The following DLEU7 variants were observed in gnomAD, a reference collection of about 807,000 sequenced individuals.
DLEU7 encodes leukemia-associated protein 7.
Under a neutral mutation model 16.0 loss-of-function variants are expected in DLEU7, and 17 were observed. The ratio of observed to expected loss-of-function variants is 1.06; its 90% CI spans 0.73 to 1.59. DLEU7 has a LOEUF of 1.59. Among genes scored for constraint, DLEU7 ranks in the 40% most tolerant of loss-of-function variants. The pLI, the probability that DLEU7 is intolerant of heterozygous loss-of-function variation, is 0.00. For missense variants in DLEU7, 308 were observed against 314.9 expected (o/e 0.98, Z 0.17); for synonymous variants, 113 against 139.8 (o/e 0.81, Z 1.35).
chr13:50,810,287 G>C (rs1407875038), intron 1 of DLEU7, among the ~76,000 whole-genome samples: 1 of 151,794 alleles, frequency 6.6e-6, no homozygotes, highest in East Asian at 1.9e-4. Context: ...TTGGGATTTG[G>C]CCCAGCCTTA....
intron 1 of DLEU7, among the ~76,000 whole-genome samples, chr13:50,791,675 A>G (rs1206455300): frequency 1.3e-5 from 2 of 152,186 alleles, no homozygotes; most frequent in African/African-American, 4.8e-5. Context: ...CTTTAAGGAA[A>G]AATCCTCCCA....
chr13:50,773,495 T>C (rs1196721071), intron 1 of DLEU7, among the ~76,000 whole-genome samples: 1 of 152,222 alleles, frequency 6.6e-6, no homozygotes, highest in East Asian at 1.9e-4. Flanking sequence ...TATTCCTTTC[T>C]GTATGTTAGT....
At chr13:50,721,451 C>T (rs778830862) in intron 1 of DLEU7, among the ~76,000 whole-genome samples, 1 of 151,606 alleles carries the variant, frequency 6.6e-6, no homozygotes, top group Non-Finnish European at 1.5e-5. Flanking sequence ...CTCTAGAGAA[C>T]CCTGACTAAT....
At chr13:50,715,164 T>C (rs1873404984) in intron 1 of DLEU7, among the ~76,000 whole-genome samples, 1 of 152,008 alleles carries the variant, frequency 6.6e-6, no homozygotes, top group African/African-American at 2.4e-5. Context: ...CCAGCGAGAG[T>C]GTGAGTGTGT....
chr13:50,834,444 C>T (rs1016292418), intron 1 of DLEU7, among the ~76,000 whole-genome samples: 3 of 150,856 alleles, frequency 2.0e-5, no homozygotes, highest in Admixed American at 2.0e-4. Flanking sequence ...AAAAAAAAAA[C>T]TCATCATCAC....
intron 1 of DLEU7, among the ~76,000 whole-genome samples, chr13:50,746,702 T>C (rs957718606): frequency 6.6e-6 from 1 of 152,170 alleles, no homozygotes; most frequent in Non-Finnish European, 1.5e-5. Flanking sequence ...CCCCTTATAA[T>C]ACACTTTTCT....
chr13:50,739,457 A>C (rs908261880), intron 1 of DLEU7, among the ~76,000 whole-genome samples: 1 of 152,184 alleles, frequency 6.6e-6, no homozygotes, highest in Non-Finnish European at 1.5e-5. Flanking sequence ...TCAGTTATGA[A>C]TGGAGATGAA....
chr13:50,728,963 C>G (rs376812284), intron 1 of DLEU7, among the ~76,000 whole-genome samples: 127 of 152,222 alleles, frequency 8.3e-4, no homozygotes, highest in African/African-American at 2.9e-3. Context: ...ACACCCACAC[C>G]TGCACAGTTG....
chr13:50,723,876 T>A (rs1873691806), intron 1 of DLEU7, among the ~76,000 whole-genome samples: 1 of 151,876 alleles, frequency 6.6e-6, no homozygotes, highest in South Asian at 2.1e-4. Context: ...TATATATATA[T>A]AATTTATATT....
downstream of DLEU7, chr13:50,711,545 A>G (rs1326299504): frequency 1.3e-5 from 2 of 152,230 alleles, no homozygotes; most frequent in African/African-American, 4.8e-5. Flanking sequence ...AGCCATTCTC[A>G]GATGCTGAAA....
At chr13:50,784,351 A>T (rs540790832) in intron 1 of DLEU7, among the ~76,000 whole-genome samples, 1 of 152,330 alleles carries the variant, frequency 6.6e-6, no homozygotes, top group South Asian at 2.1e-4. Context: ...TGGGCATCTC[A>T]TGTGGAAATC....
intron 1 of DLEU7, among the ~76,000 whole-genome samples, chr13:50,755,183 T>C (rs528311333): frequency 6.6e-6 from 1 of 152,344 alleles, no homozygotes; most frequent in South Asian, 2.1e-4. Context: ...ATGATCTTTT[T>C]GTGATGAATT....
intron 1 of DLEU7, among the ~76,000 whole-genome samples, chr13:50,807,311 T>C (rs1566257530): frequency 6.6e-6 from 1 of 152,002 alleles, no homozygotes; most frequent in Non-Finnish European, 1.5e-5. Context: ...CTTTATTCTC[T>C]TTCTTGAATT....
chr13:50,792,079 T>C (rs1566252774), intron 1 of DLEU7, among the ~76,000 whole-genome samples: 1 of 152,212 alleles, frequency 6.6e-6, no homozygotes. Context: ...TTAAGGACTT[T>C]TCAAGTTTTC....
intron 1 of DLEU7, among the ~76,000 whole-genome samples, chr13:50,757,191 A>G (rs1874788827): frequency 6.6e-6 from 1 of 152,128 alleles, no homozygotes; most frequent in South Asian, 2.1e-4. Context: ...GCCTCTGCAC[A>G]CTGCTCTGTC....
chr13:50,805,564 A>G (rs1195121486), intron 1 of DLEU7, among the ~76,000 whole-genome samples: 1 of 151,994 alleles, frequency 6.6e-6, no homozygotes, highest in Non-Finnish European at 1.5e-5. Context: ...TATATTTTGC[A>G]TCTATCATAT....
At chr13:50,790,880 C>CA (rs34207011) in intron 1 of DLEU7, among the ~76,000 whole-genome samples, 1 of 152,126 alleles carries the variant, frequency 6.6e-6, no homozygotes, top group East Asian at 1.9e-4. Context: ...GTTCCTTCCT[C>CA]AAAAAAAGTT....
chr13:50,834,515 C>A (rs953761979), intron 1 of DLEU7, among the ~76,000 whole-genome samples: 2 of 151,530 alleles, frequency 1.3e-5, no homozygotes, highest in Non-Finnish European at 2.9e-5. Flanking sequence ...CCAGGTAGAA[C>A]GGAGATCATT....
chr13:50,715,347 C>T (rs1456179300), intron 1 of DLEU7: 1 of 152,270 alleles, frequency 6.6e-6, no homozygotes, highest in East Asian at 1.9e-4. Context: ...GTAATGTAAG[C>T]TATTCACAGG....
Sources: gnomAD v4.1 joint callset for allele counts (sites outside exome capture counted in the v4.1 genomes callset) on GRCh38, gnomAD v4.1.1 for gene constraint, MANE v1.5 for transcripts, NCBI Gene and HGNC (gene_info 2026-07-23, HGNC 2026-07-21) for gene names.